The following AGBL4 variants were observed in gnomAD, a reference collection of about 807,000 sequenced individuals.
The protein encoded by AGBL4 is AGBL carboxypeptidase 4.
Under a neutral mutation model 66.4 loss-of-function variants are expected in AGBL4, and 58 were observed. The observed-to-expected ratio is 0.87, with a 90% CI of 0.71 to 1.09. AGBL4 has a LOEUF of 1.09. Ranked by LOEUF, AGBL4 falls within the 50% of genes least tolerant of loss-of-function variation. The pLI is 0.00. For missense variants in AGBL4, 579 were observed against 631.0 expected, an observed-to-expected ratio of 0.92 and a Z score of 0.88; for synonymous variants, 234 against 222.9, an observed-to-expected ratio of 1.05 and a Z score of -0.44.
chr1:49,990,759 T>A lies in AGBL4; in HGVS notation c.34+33004A>T, dbSNP rs527737974. Among the ~76,000 whole-genome samples, 5 of 152,314 alleles carry A rather than the reference T, an allele frequency of 3.3e-5. No homozygotes were observed. In the East Asian group the frequency reaches 9.7e-4, roughly 29 times the overall value. On this transcript the variant is annotated intron_variant, in intron 1 of 13. Transcript: ENST00000371839. Reference sequence around the variant, plus strand: ...ACAACACGAGCCACATTCCTCACTATAAAACTGATGATACTACAGTATAAT... The same window carrying A: ...ACAACACGAGCCACATTCCTCACTAAAAAACTGATGATACTACAGTATAAT...
chr1:49,008,125 GA>G (rs1221217649), intron 5 of AGBL4, among the ~76,000 whole-genome samples: 3 of 151,976 alleles, frequency 2.0e-5, no homozygotes, highest in Non-Finnish European at 4.4e-5. Flanking sequence ...CTGTATTCAG[GA>G]AACCCATCTC....
intron 5 of AGBL4, among the ~76,000 whole-genome samples, chr1:48,956,422 A>G (rs3127547): frequency 0.6 from 91,194 of 152,134 alleles, 29,092 homozygotes; most frequent in East Asian, 0.96. Context: ...ATTACAACCA[A>G]TCAATGGCTT....
intron 6 of AGBL4, among the ~76,000 whole-genome samples, chr1:48,743,397 A>G (rs1570455325): frequency 6.6e-6 from 1 of 152,230 alleles, no homozygotes; most frequent in East Asian, 1.9e-4. Context: ...AGCTAGATAA[A>G]TGGTGATAGT....
At chr1:49,563,163 T>G (rs1000155667) in intron 3 of AGBL4, among the ~76,000 whole-genome samples, 1 of 151,928 alleles carries the variant, frequency 6.6e-6, no homozygotes, top group Non-Finnish European at 1.5e-5. Flanking sequence ...TGATTTTGTA[T>G]CCTGAGACTT....
intron 3 of AGBL4, among the ~76,000 whole-genome samples, chr1:49,288,445 G>A (rs763302640): frequency 2.6e-4 from 40 of 152,014 alleles, no homozygotes; most frequent in Non-Finnish European, 4.6e-4. Flanking sequence ...TGAATCTGGT[G>A]AATCTAAGCT....
chr1:48,966,689 A>G (rs1161624584), intron 5 of AGBL4, among the ~76,000 whole-genome samples: 1 of 152,206 alleles, frequency 6.6e-6, no homozygotes, highest in African/African-American at 2.4e-5. Flanking sequence ...TAATGGCATT[A>G]ATAAGTGACA....
chr1:49,734,581 A>T (rs1185098437), intron 2 of AGBL4, among the ~76,000 whole-genome samples: 4 of 152,108 alleles, frequency 2.6e-5, no homozygotes, highest in African/African-American at 9.6e-5. Flanking sequence ...AGTTAATTTA[A>T]AAAGTACAAG....
chr1:49,282,849 G>A (rs545785652), intron 3 of AGBL4, among the ~76,000 whole-genome samples: 15 of 152,270 alleles, frequency 9.9e-5, no homozygotes, highest in East Asian at 9.7e-4. Context: ...ATTATATCCC[G>A]CACCTGGCTT....
intron 4 of AGBL4, among the ~76,000 whole-genome samples, chr1:49,101,055 C>G (rs1039469503): frequency 1.3e-5 from 2 of 152,140 alleles, no homozygotes; most frequent in Admixed American, 6.6e-5. Context: ...ATGAGACACT[C>G]AAGTCCCAGC....
At chr1:48,978,482 C>T (rs1375522808) in intron 5 of AGBL4, among the ~76,000 whole-genome samples, 2 of 152,140 alleles carry the variant, frequency 1.3e-5, no homozygotes, top group Non-Finnish European at 2.9e-5. Flanking sequence ...CTCTTTATGT[C>T]CTCTCAGAGG....
chr1:48,645,708 A>G (rs74456717), intron 8 of AGBL4, among the ~76,000 whole-genome samples: 3,517 of 152,280 alleles, frequency 0.023, 128 homozygotes, highest in African/African-American at 0.078. Flanking sequence ...GAAACAATTA[A>G]TGCAAAATGC....
At chr1:48,693,598 G>A (rs1215352336) in intron 6 of AGBL4, among the ~76,000 whole-genome samples, 1 of 152,208 alleles carries the variant, frequency 6.6e-6, no homozygotes, top group East Asian at 1.9e-4. Context: ...TCATCCCTGT[G>A]CCTTGCCAGA....
intron 6 of AGBL4, among the ~76,000 whole-genome samples, chr1:48,831,566 T>C (rs986820472): frequency 6.6e-6 from 1 of 152,230 alleles, no homozygotes; most frequent in African/African-American, 2.4e-5. Context: ...CAGCATATGA[T>C]TTTTTAACTT....
At chr1:49,061,663 C>A (rs996418434) in intron 4 of AGBL4, among the ~76,000 whole-genome samples, 2 of 152,112 alleles carry the variant, frequency 1.3e-5, no homozygotes, top group Non-Finnish European at 2.9e-5. Flanking sequence ...GGTTTTGGAA[C>A]TGAGATTGAC....
chr1:49,776,320 A>T (rs958409560), intron 2 of AGBL4, among the ~76,000 whole-genome samples: 2 of 152,102 alleles, frequency 1.3e-5, no homozygotes, highest in African/African-American at 4.8e-5. Context: ...TAGTCTTAAA[A>T]ATTCTTCCAA....
chr1:49,349,433 C>A (rs1557860499), intron 3 of AGBL4, among the ~76,000 whole-genome samples: 1 of 152,080 alleles, frequency 6.6e-6, no homozygotes, highest in Non-Finnish European at 1.5e-5. Flanking sequence ...TTGTTCTCCT[C>A]CTTCTCTCAT....
At chr1:48,724,582 T>A (rs1647201589) in intron 6 of AGBL4, among the ~76,000 whole-genome samples, 1 of 152,190 alleles carries the variant, frequency 6.6e-6, no homozygotes, top group African/African-American at 2.4e-5. Context: ...AACTATGTGC[T>A]ATAATCATAG....
At chr1:49,647,919 T>C (rs6588355) in intron 3 of AGBL4, among the ~76,000 whole-genome samples, 123,802 of 151,646 alleles carry the variant, frequency 0.82, 51,202 homozygotes, top group African/African-American at 0.94. Flanking sequence ...TCTTTCCATA[T>C]CTTACCACCA....
intron 3 of AGBL4, among the ~76,000 whole-genome samples, chr1:49,555,513 A>T: frequency 6.8e-6 from 1 of 146,474 alleles, no homozygotes; most frequent in Non-Finnish European, 1.5e-5. Context: ...TGTCTAGCTA[A>T]AGGCTTGTAA....
Sources: allele counts gnomAD v4.1 joint callset (sites outside exome capture counted in the v4.1 genomes callset), GRCh38; gene constraint gnomAD v4.1.1; transcripts MANE v1.5; gene names NCBI Gene and HGNC (gene_info 2026-07-23, HGNC 2026-07-21).